The following FRMPD4 variants were observed in gnomAD, a reference collection of about 807,000 sequenced individuals.
The protein encoded by FRMPD4 is FERM and PDZ domain-containing protein 4.
FRMPD4 carries 22 observed loss-of-function variants against 94.1 expected under a neutral mutation model. The observed-to-expected ratio is 0.23, with a 90% CI of 0.17 to 0.33. The LOEUF (loss-of-function observed/expected upper bound fraction) is 0.33, where lower values mean the gene tolerates loss of function less well. FRMPD4 is among the 10% of genes least tolerant of loss of function. The probability of loss-of-function intolerance (pLI) is 1.00; values close to 1 mark genes in which losing one functional copy is unlikely to be tolerated. For synonymous variants in FRMPD4, 631 were observed against 548.6 expected (o/e 1.15, Z -2.10); for missense variants, 1,111 against 1,339.9 (o/e 0.83, Z 2.67).
intron 1 of FRMPD4, among the ~76,000 whole-genome samples, chrX:12,149,888 T>C (rs1429611366): frequency 8.9e-6 from 1 of 111,950 alleles, no homozygotes; most frequent in Non-Finnish European, 1.9e-5. Context: ...ACCACCTTGA[T>C]GAGTCAGCAT....
chrX:12,231,142 C>G (rs994429254), intron 1 of FRMPD4, among the ~76,000 whole-genome samples: 1 of 89,427 alleles, frequency 1.1e-5, no homozygotes, highest in Non-Finnish European at 2.2e-5. Flanking sequence ...CTCGACCTGC[C>G]GGGCCCAAGC....
Position 12,498,807 on chromosome X carries a change from CAG to C in FRMPD4, c.158+13_158+14del. The C allele has an allele frequency of 1.1e-6, 1 of 894,132 alleles. No homozygotes were observed. Among genetic ancestry groups the C allele is most frequent in the Non-Finnish European group, 1.6e-6 (1 of 616,770 alleles). 73.7% of individuals were successfully genotyped at this position (894,132 alleles called of 1,213,427 possible). On this transcript the variant is annotated intron_variant, in intron 2 of 16. Transcript: ENST00000675598. ...AGACTACTTCATCAAGTAGGTTAAACAGATGGCATGAACAATAGAATCCTTGG... is the reference window on the plus strand; with the variant it reads ...AGACTACTTCATCAAGTAGGTTAAACATGGCATGAACAATAGAATCCTTGG...
At chrX:12,199,734 A>G (rs2056610658) in intron 1 of FRMPD4, among the ~76,000 whole-genome samples, 1 of 112,048 alleles carries the variant, frequency 8.9e-6, no homozygotes, top group Non-Finnish European at 1.9e-5. Flanking sequence ...ATTGCAATAG[A>G]GAAAGAGTTT....
intron 1 of FRMPD4, among the ~76,000 whole-genome samples, chrX:12,498,022 G>A (rs1392822961): frequency 9.0e-6 from 1 of 110,948 alleles, no homozygotes; most frequent in African/African-American, 3.3e-5. Context: ...CTGACTGCAG[G>A]GGGTGCTGTT....
intron 1 of FRMPD4, among the ~76,000 whole-genome samples, chrX:11,850,624 A>G (rs1036193171): frequency 4.4e-5 from 5 of 112,567 alleles, no homozygotes; most frequent in Non-Finnish European, 9.4e-5. Context: ...CAGTCTTAAA[A>G]AGAAAGGAAA....
chrX:12,484,444 T>A (rs2057719324), intron 1 of FRMPD4, among the ~76,000 whole-genome samples: 1 of 112,294 alleles, frequency 8.9e-6, no homozygotes, highest in African/African-American at 3.2e-5. Flanking sequence ...TGTGCTAATA[T>A]CAAGTTATTT....
At position 12,385,720 on chromosome X, in the gene FRMPD4, T is replaced by TAATTAA. The variant is rs1208608382; in HGVS notation, c.42-112957_42-112952dup. On this transcript the variant is annotated intron_variant, in intron 1 of 16. Transcript: ENST00000675598. ...ATTTTAAGGAAAGTATATTAACATGTAATTAAAAACAATGAAAAAGGAGAA... is the reference window on the plus strand; with the variant it reads ...ATTTTAAGGAAAGTATATTAACATGTAATTAAAATTAAAAACAATGAAAAAGGAGAA... Among the ~76,000 whole-genome samples, 9 of 112,445 alleles carry TAATTAA rather than the reference T, an allele frequency of 8.0e-5. No homozygotes were observed. The South Asian group carries it at 3.3e-3, about 41-fold the overall frequency.
At chrX:12,437,991 C>A (rs903536750) in intron 1 of FRMPD4, among the ~76,000 whole-genome samples, 2 of 111,674 alleles carry the variant, frequency 1.8e-5, no homozygotes, top group Non-Finnish European at 3.8e-5. Context: ...CTGTTTTTTA[C>A]CTAAACCTAG....
chrX:12,647,218 TTG>T (rs1302393000), intron 4 of FRMPD4, among the ~76,000 whole-genome samples: 1 of 111,672 alleles, frequency 9.0e-6, no homozygotes, highest in Non-Finnish European at 1.9e-5. Context: ...ACACAAGGAT[TTG>T]TGTGTGTATA....
chrX:12,500,433 G>A (rs2057906833), intron 2 of FRMPD4, among the ~76,000 whole-genome samples: 2 of 111,656 alleles, frequency 1.8e-5, no homozygotes, highest in African/African-American at 6.5e-5. Flanking sequence ...ACATGTGAGT[G>A]TTGTGGACAG....
At chrX:12,678,380 C>G (rs946782107) in intron 5 of FRMPD4, among the ~76,000 whole-genome samples, 2 of 112,398 alleles carry the variant, frequency 1.8e-5, no homozygotes, top group African/African-American at 6.5e-5. Context: ...TTGTTTGGCT[C>G]CGATATACCG....
chrX:12,425,959 TTGA>T (rs1195701245), intron 1 of FRMPD4, among the ~76,000 whole-genome samples: 299 of 112,470 alleles, frequency 2.7e-3, no homozygotes, highest in Middle Eastern at 9.1e-3. Context: ...TCATGAGGAT[TTGA>T]TGATATCTTT....
chrX:11,994,332 T>C (rs1300666344), intron 3 of FRMPD4, among the ~76,000 whole-genome samples: 4 of 111,308 alleles, frequency 3.6e-5, no homozygotes, highest in Non-Finnish European at 7.6e-5. Flanking sequence ...GGATGTTATT[T>C]TTTCCCAAAA....
chrX:12,711,283 A>T (rs2041982261), intron 14 of FRMPD4, among the ~76,000 whole-genome samples: 1 of 111,732 alleles, frequency 8.9e-6, no homozygotes, highest in South Asian at 3.8e-4. Flanking sequence ...AGTCAGACTT[A>T]TGCCCAGGAT....
intron 3 of FRMPD4, among the ~76,000 whole-genome samples, chrX:11,965,151 A>G (rs753904676): frequency 8.9e-6 from 1 of 112,564 alleles, no homozygotes; most frequent in Non-Finnish European, 1.9e-5. Flanking sequence ...AATGTAACGT[A>G]ACATATTCAC....
At chrX:12,155,295 G>A (rs985751285) in intron 1 of FRMPD4, among the ~76,000 whole-genome samples, 9 of 111,789 alleles carry the variant, frequency 8.1e-5, no homozygotes, top group Non-Finnish European at 1.7e-4. Flanking sequence ...TATCATACCC[G>A]TATTCTGGTA....
intron 1 of FRMPD4, among the ~76,000 whole-genome samples, chrX:11,836,712 T>C (rs1380108738): frequency 8.9e-6 from 1 of 111,855 alleles, no homozygotes; most frequent in Non-Finnish European, 1.9e-5. Context: ...ATAAACCCAA[T>C]TGTTATGCTC....
chrX:12,429,289 T>C (rs1053586862), intron 1 of FRMPD4, among the ~76,000 whole-genome samples: 23 of 111,904 alleles, frequency 2.1e-4, no homozygotes, highest in African/African-American at 7.1e-4. Context: ...TCTCCACTGA[T>C]TGTGGAAGGA....
chrX:12,632,906 C>T (rs2059408841), intron 4 of FRMPD4, among the ~76,000 whole-genome samples: 1 of 112,210 alleles, frequency 8.9e-6, no homozygotes, highest in African/African-American at 3.2e-5. Flanking sequence ...CTTTTGCTAG[C>T]GTGTTTTTTC....
Sources: allele counts gnomAD v4.1 joint callset (sites outside exome capture counted in the v4.1 genomes callset), GRCh38; gene constraint gnomAD v4.1.1; transcripts MANE v1.5; gene names NCBI Gene and HGNC (gene_info 2026-07-23, HGNC 2026-07-21).